CHST8: variants seen among roughly 807,000 people sequenced by gnomAD.
CHST8 encodes carbohydrate sulfotransferase 8, also known as GALNAC-4-ST1.
CHST8 carries 10 observed loss-of-function variants against 15.0 expected under a neutral mutation model. The observed-to-expected ratio is 0.67, with a 90% CI of 0.41 to 1.13. The LOEUF is 1.13. CHST8 is among the 50% of genes most tolerant of loss of function. The probability of loss-of-function intolerance (pLI) is 0.00; values close to 1 mark genes in which losing one functional copy is unlikely to be tolerated. For synonymous variants in CHST8, 259 were observed against 256.6 expected (o/e 1.01, Z -0.09); for missense variants, 634 against 608.2 (o/e 1.04, Z -0.45).
In CHST8 at chr19:33,772,949, C is replaced by T. The variant is rs867158855; in HGVS notation, c.1161C>T (p.Ile387=). ...HSQEARTTAR[I]AHQYFAQLSA... ...AGGAGGCGCGGACCACAGCGAGGAT[C>T]GCCCACCAGTACTTCGCCCAACTCT... Residue 387 remains isoleucine, a synonymous_variant, in exon 5 of 5, where the codon ATC becomes ATT. Transcript: ENST00000650847. The T allele has an allele frequency of 1.9e-6, 3 of 1,613,524 alleles. No homozygotes were observed. Among genetic ancestry groups the T allele is most frequent in the South Asian group, 1.1e-5 (1 of 91,086 alleles).
At chr19:33,662,391 T>C (rs1972599236) in intron 1 of CHST8, among the ~76,000 whole-genome samples, 1 of 152,164 alleles carries the variant, frequency 6.6e-6, no homozygotes, top group African/African-American at 2.4e-5. Context: ...AAGGACAATT[T>C]CGTACATCAC....
At chr19:33,704,074 C>T (rs996159905) in intron 3 of CHST8, among the ~76,000 whole-genome samples, 4 of 152,120 alleles carry the variant, frequency 2.6e-5, no homozygotes. Flanking sequence ...TTTCAGCCCT[C>T]CCCAAAAGGC....
At chr19:33,644,505 C>T (rs566794793) in intron 1 of CHST8, among the ~76,000 whole-genome samples, 3 of 152,002 alleles carry the variant, frequency 2.0e-5, no homozygotes, top group African/African-American at 4.8e-5. Flanking sequence ...GAAGCCGAAG[C>T]GGGAGGATCC....
chr19:33,745,588 T>C (rs1313202781), intron 3 of CHST8, among the ~76,000 whole-genome samples: 6 of 152,152 alleles, frequency 3.9e-5, no homozygotes, highest in Non-Finnish European at 8.8e-5. Context: ...AGGAGGTGAA[T>C]TGCACGGGGC....
In CHST8 at chr19:33,771,423, C is replaced by G; in HGVS notation, c.141C>G (p.Phe47Leu). The G allele has an allele frequency of 6.2e-7, 1 of 1,614,090 alleles. No homozygotes were observed. Among genetic ancestry groups the G allele is most frequent in the Non-Finnish European group, 8.5e-7 (1 of 1,179,982 alleles). The change falls in exon 4 of 5, where the codon TTC (phenylalanine) becomes TTG (leucine). Residue 47 changes from phenylalanine (F) to leucine (L), a missense_variant. Coordinates refer to ENST00000650847, the MANE Select transcript of CHST8 (RefSeq NM_001127895.2). ...LAPQQVPGIK[F>L]NIRPRQPHHD... ...CTGTTTGCTTTTCAGGAATAAAGTTCAACATCAGGCCAAGGCAGCCCCACC... is the reference window on the plus strand; with the variant it reads ...CTGTTTGCTTTTCAGGAATAAAGTTGAACATCAGGCCAAGGCAGCCCCACC...
At chr19:33,728,966 C>T (rs284683) in intron 3 of CHST8, among the ~76,000 whole-genome samples, 84,322 of 152,052 alleles carry the variant, frequency 0.55, 23,863 homozygotes, top group East Asian at 0.89. Flanking sequence ...CTGAGTCCTG[C>T]GGGATGGGCT....
At chr19:33,647,181 A>G (rs1446187386) in intron 1 of CHST8, among the ~76,000 whole-genome samples, 1 of 152,244 alleles carries the variant, frequency 6.6e-6, no homozygotes, top group African/African-American at 2.4e-5. Flanking sequence ...AAATAGAGAC[A>G]CAAAGAGGAC....
intron 1 of CHST8, among the ~76,000 whole-genome samples, chr19:33,644,586 T>C (rs1401492150): frequency 6.6e-6 from 1 of 151,948 alleles, no homozygotes; most frequent in East Asian, 1.9e-4. Flanking sequence ...AAAAATTTTT[T>C]TTTAATTAGC....
intron 3 of CHST8, among the ~76,000 whole-genome samples, chr19:33,758,066 C>T (rs138199444): frequency 0.021 from 2,848 of 134,484 alleles, 42 homozygotes; most frequent in East Asian, 0.035. Flanking sequence ...CTGAGTGCTC[C>T]GGGCAGTCTC....
At chr19:33,726,016 C>G (rs535935516) in intron 3 of CHST8, among the ~76,000 whole-genome samples, 1 of 152,186 alleles carries the variant, frequency 6.6e-6, no homozygotes, top group Non-Finnish European at 1.5e-5. Context: ...GGTCATTGCC[C>G]GCTGCAGCAG....
chr19:33,760,406 C>T (rs550886696), intron 3 of CHST8, among the ~76,000 whole-genome samples: 7 of 151,752 alleles, frequency 4.6e-5, no homozygotes, highest in Admixed American at 3.9e-4. Flanking sequence ...CAGCCTCTAA[C>T]GCTTGGACTC....
chr19:33,639,920 A>G (rs1230843613), intron 1 of CHST8, among the ~76,000 whole-genome samples: 2 of 150,808 alleles, frequency 1.3e-5, no homozygotes, highest in Non-Finnish European at 2.9e-5. Flanking sequence ...GCTTACTGCA[A>G]CCTCCACCTC....
intron 1 of CHST8, among the ~76,000 whole-genome samples, chr19:33,650,529 T>C (rs865842274): frequency 2.9e-4 from 33 of 114,798 alleles, no homozygotes; most frequent in African/African-American, 8.5e-4. Flanking sequence ...TTTTTTTTTT[T>C]TTTTTTTTTT....
rs549986101 is a variant in CHST8, at chr19:33,625,811, G to A, written c.-164+3515G>A. ...TGGGAGACAGAAGTTGCAGTGAGCC[G>A]AGATCATGCCCCTGCACTCCAGCCT... On this transcript the variant is annotated intron_variant, in intron 1 of 4. Coordinates refer to ENST00000650847, the MANE Select transcript of CHST8 (RefSeq NM_001127895.2). Among the ~76,000 whole-genome samples, 5 of 152,280 alleles carry A rather than the reference G, an allele frequency of 3.3e-5. No homozygotes were observed. In the South Asian group the frequency reaches 1.0e-3, roughly 32 times the overall value.
intron 3 of CHST8, among the ~76,000 whole-genome samples, chr19:33,713,280 A>G (rs1973595687): frequency 6.6e-6 from 1 of 152,110 alleles, no homozygotes. Flanking sequence ...TCCTTTCAAG[A>G]TCTGCGATCT....
At chr19:33,688,310 C>A (rs1279723225) in intron 2 of CHST8, among the ~76,000 whole-genome samples, 3 of 152,192 alleles carry the variant, frequency 2.0e-5, no homozygotes, top group Middle Eastern at 3.2e-3. Flanking sequence ...TCTCTCCCTG[C>A]CCTCTAGGAG....
chr19:33,750,444 A>G (rs976050492), intron 3 of CHST8, among the ~76,000 whole-genome samples: 1 of 152,070 alleles, frequency 6.6e-6, no homozygotes, highest in Admixed American at 6.5e-5. Context: ...AGGAGAAGCC[A>G]CCAGAGTTGG....
intron 3 of CHST8, among the ~76,000 whole-genome samples, chr19:33,729,757 C>T (rs1304513601): frequency 6.6e-6 from 1 of 152,154 alleles, no homozygotes; most frequent in African/African-American, 2.4e-5. Flanking sequence ...AATCCAGCTC[C>T]CCAAGGAGTT....
chr19:33,651,498 G>A (rs79010494), intron 1 of CHST8, among the ~76,000 whole-genome samples: 2,737 of 152,110 alleles, frequency 0.018, 56 homozygotes, highest in African/African-American at 0.05. Flanking sequence ...AGCAAACCAT[G>A]TTAATATTTA....
Sources: gnomAD v4.1 joint callset for allele counts (sites outside exome capture counted in the v4.1 genomes callset) on GRCh38, gnomAD v4.1.1 for gene constraint, MANE v1.5 for transcripts, NCBI Gene and HGNC (gene_info 2026-07-23, HGNC 2026-07-21) for gene names.